TRAPPC9: variants seen among roughly 807,000 people sequenced by gnomAD.
TRAPPC9 encodes the protein trafficking protein particle complex subunit 9, also known as IKK2 binding protein.
TRAPPC9 carries 83 observed loss-of-function variants against 124.0 expected under a neutral mutation model. That is an observed-to-expected ratio of 0.67 (90% CI 0.56 to 0.80). TRAPPC9 has a LOEUF of 0.80. TRAPPC9 is among the 30% of genes least tolerant of loss of function. The probability of loss-of-function intolerance (pLI) is 0.00; values close to 1 mark genes in which losing one functional copy is unlikely to be tolerated. For synonymous variants in TRAPPC9, 638 were observed against 617.5 expected (o/e 1.03, Z -0.49); for missense variants, 1,302 against 1,508.3 (o/e 0.86, Z 2.27).
intron 17 of TRAPPC9, among the ~76,000 whole-genome samples, chr8:140,075,877 C>A (rs1460582057): frequency 6.6e-6 from 1 of 152,244 alleles, no homozygotes; most frequent in African/African-American, 2.4e-5. Flanking sequence ...CATTTTGACT[C>A]ACTTCTGCTT....
intron 5 of TRAPPC9, among the ~76,000 whole-genome samples, chr8:140,410,763 A>C (rs1053007321): frequency 6.6e-6 from 1 of 152,190 alleles, no homozygotes; most frequent in Admixed American, 6.5e-5. Context: ...GAATGGCGTG[A>C]ACACAGGAGG....
chr8:139,847,406 C>T (rs556061525), intron 21 of TRAPPC9, among the ~76,000 whole-genome samples: 3 of 152,354 alleles, frequency 2.0e-5, no homozygotes, highest in East Asian at 1.9e-4. Flanking sequence ...CAGGGGGTTC[C>T]GGAGCCAGTT....
At chr8:140,057,375 A>G (rs1054675243) in intron 17 of TRAPPC9, among the ~76,000 whole-genome samples, 1 of 152,256 alleles carries the variant, frequency 6.6e-6, no homozygotes. Context: ...TCTCAGAGAG[A>G]TATGTACACT....
At chr8:139,951,128 G>C (rs1834617298) in intron 19 of TRAPPC9, among the ~76,000 whole-genome samples, 1 of 152,102 alleles carries the variant, frequency 6.6e-6, no homozygotes, top group Non-Finnish European at 1.5e-5. Context: ...TAAGAAGTTG[G>C]AGAATCACCC....
At chr8:140,120,830 T>C (rs2130608339) in intron 17 of TRAPPC9, among the ~76,000 whole-genome samples, 1 of 150,514 alleles carries the variant, frequency 6.6e-6, no homozygotes, top group East Asian at 1.9e-4. Context: ...CATCCATCCA[T>C]CCATCCATCA....
At chr8:140,054,068 G>A (rs1188099060) in intron 17 of TRAPPC9, among the ~76,000 whole-genome samples, 3 of 152,168 alleles carry the variant, frequency 2.0e-5, no homozygotes, top group Admixed American at 1.3e-4. Flanking sequence ...AATTAACACA[G>A]AAACAGAAAA....
intron 17 of TRAPPC9, among the ~76,000 whole-genome samples, chr8:140,159,534 G>C (rs1362210442): frequency 6.6e-6 from 1 of 152,210 alleles, no homozygotes; most frequent in Non-Finnish European, 1.5e-5. Context: ...AAGGAAGAAA[G>C]AGAGTACTGC....
chr8:139,967,730 T>C (rs185017953), intron 19 of TRAPPC9, among the ~76,000 whole-genome samples: 1 of 152,262 alleles, frequency 6.6e-6, no homozygotes, highest in African/African-American at 2.4e-5. Context: ...CAGCACTGTA[T>C]GTTGTATTAC....
At chr8:140,051,279 T>G (rs1841979951) in intron 17 of TRAPPC9, among the ~76,000 whole-genome samples, 1 of 152,216 alleles carries the variant, frequency 6.6e-6, no homozygotes, top group Non-Finnish European at 1.5e-5. Flanking sequence ...CAGTGAGCAC[T>G]GTGGGACCTG....
At chr8:140,354,156 T>G (rs1192812787) in intron 9 of TRAPPC9, among the ~76,000 whole-genome samples, 1 of 152,240 alleles carries the variant, frequency 6.6e-6, no homozygotes, top group African/African-American at 2.4e-5. Flanking sequence ...ATTACAAATA[T>G]GTGCCATTCT....
intron 5 of TRAPPC9, among the ~76,000 whole-genome samples, chr8:140,411,945 G>C (rs533727456): frequency 6.6e-5 from 10 of 152,342 alleles, no homozygotes; most frequent in South Asian, 2.1e-4. Flanking sequence ...CCATTTGGCA[G>C]CCAGCACAGT....
intron 7 of TRAPPC9, among the ~76,000 whole-genome samples, chr8:140,377,068 T>A (rs1474188390): frequency 6.6e-6 from 1 of 152,090 alleles, no homozygotes; most frequent in Non-Finnish European, 1.5e-5. Flanking sequence ...CCAAAAGAGA[T>A]GGCCAAGCAA....
In TRAPPC9 at chr8:140,216,555, G is replaced by T. The variant is rs2063200817; in HGVS notation, c.2556+4904C>A. Among the ~76,000 whole-genome samples, 1 of 152,186 alleles carries T rather than the reference G, an allele frequency of 6.6e-6. No individual in the cohort carries two copies. The highest frequency in any genetic ancestry group is 6.5e-5 in the Admixed American group (1 of 15,284). On this transcript the variant is annotated intron_variant, in intron 17 of 22. Coordinates refer to ENST00000438773, the MANE Select transcript of TRAPPC9 (RefSeq NM_001160372.4). The surrounding 1 kb of genome is among the most constrained non-coding windows in gnomAD (Gnocchi z 4.1). Reference sequence around the variant, plus strand: ...AAAAGAAGTATGAGTGGAACACAAAGCAAAGGAAGGAACCAACAAACTCCG... The same window carrying T: ...AAAAGAAGTATGAGTGGAACACAAATCAAAGGAAGGAACCAACAAACTCCG...
intron 16 of TRAPPC9, among the ~76,000 whole-genome samples, chr8:140,234,192 C>T (rs2063676645): frequency 6.6e-6 from 1 of 152,154 alleles, no homozygotes; most frequent in African/African-American, 2.4e-5. Flanking sequence ...CTGTGAAATA[C>T]ACACGCGAGG....
intron 18 of TRAPPC9, among the ~76,000 whole-genome samples, chr8:140,022,914 T>G (rs2131914910): frequency 6.6e-6 from 1 of 152,304 alleles, no homozygotes; most frequent in African/African-American, 2.4e-5. Flanking sequence ...TCCTATAAAC[T>G]AAAACCACAC....
At chr8:140,144,782 C>G (rs973403452) in intron 17 of TRAPPC9, among the ~76,000 whole-genome samples, 4 of 151,876 alleles carry the variant, frequency 2.6e-5, no homozygotes, top group African/African-American at 9.7e-5. Flanking sequence ...CCACCGCACC[C>G]AGCTTTAATT....
intron 21 of TRAPPC9, among the ~76,000 whole-genome samples, chr8:139,870,300 T>C (rs1828817130): frequency 6.6e-6 from 1 of 152,198 alleles, no homozygotes; most frequent in Non-Finnish European, 1.5e-5. Context: ...AATGAGACCA[T>C]GAACGTACCA....
At chr8:139,750,451 G>T (rs1819238401) in intron 21 of TRAPPC9, among the ~76,000 whole-genome samples, 1 of 152,298 alleles carries the variant, frequency 6.6e-6, no homozygotes, top group East Asian at 1.9e-4. Context: ...TGTATTTATT[G>T]CTGGGTCTCC....
At position 140,201,586 on chromosome 8, in the gene TRAPPC9, A is replaced by G. The variant is rs1423124310; in HGVS notation, c.2556+19873T>C. Among the ~76,000 whole-genome samples, 4 of 152,368 alleles carry G rather than the reference A, an allele frequency of 2.6e-5. No individual in the cohort carries two copies. In the East Asian group the frequency reaches 7.7e-4, roughly 29 times the overall value. On this transcript the variant is annotated intron_variant, in intron 17 of 22. Transcript: ENST00000438773. ...TGTTACAAAATATCTTTGATTCCCC[A>G]GAACGGATCTAATTTCAAATATTAT...
Sources: allele counts gnomAD v4.1 joint callset (sites outside exome capture counted in the v4.1 genomes callset), GRCh38; gene constraint gnomAD v4.1.1; non-coding constraint Gnocchi (gnomAD v3.1); transcripts MANE v1.5; gene names NCBI Gene and HGNC (gene_info 2026-07-23, HGNC 2026-07-21).